The following SGCD variants were observed in gnomAD, a reference collection of about 807,000 sequenced individuals.
The protein encoded by SGCD is sarcoglycan delta.
A neutral mutation model predicts 36.6 loss-of-function variants in SGCD; 18 were observed. That is an observed-to-expected ratio of 0.49 (90% CI 0.34 to 0.73). SGCD has a LOEUF of 0.73. Ranked by LOEUF, SGCD falls within the 30% of genes least tolerant of loss-of-function variation. The pLI, the probability that SGCD is intolerant of heterozygous loss-of-function variation, is 0.01. For synonymous variants in SGCD, 133 were observed against 130.6 expected (o/e 1.02, Z -0.12); for missense variants, 387 against 346.7 (o/e 1.12, Z -0.92).
chr5:155,857,912 A>C, the SGCD span, among the ~76,000 whole-genome samples: 1 of 152,174 alleles, frequency 6.6e-6, no homozygotes, highest in East Asian at 1.9e-4. Context: ...CTGAGTTTAA[A>C]TCTACCATCT....
At chr5:156,203,631 G>A (rs978510817) in intron 3 of SGCD, among the ~76,000 whole-genome samples, 9 of 152,098 alleles carry the variant, frequency 5.9e-5, no homozygotes, top group East Asian at 1.9e-4. Context: ...ATCTGTATTC[G>A]TGTCTGATTT....
At chr5:156,489,894 A>G (rs1755860130) in intron 3 of SGCD, among the ~76,000 whole-genome samples, 1 of 152,034 alleles carries the variant, frequency 6.6e-6, no homozygotes, top group East Asian at 1.9e-4. Flanking sequence ...AATAAAATAG[A>G]AACTAAGAAA....
intron 1 of SGCD, among the ~76,000 whole-genome samples, chr5:155,938,628 C>G (rs1245603845): frequency 6.6e-6 from 1 of 152,126 alleles, no homozygotes; most frequent in East Asian, 1.9e-4. Flanking sequence ...TTCCCATAAG[C>G]TAGTAGCTGT....
the SGCD span, among the ~76,000 whole-genome samples, chr5:155,856,200 C>T: frequency 4.6e-5 from 7 of 152,096 alleles, no homozygotes; most frequent in South Asian, 4.1e-4. Flanking sequence ...TGTATATACA[C>T]GCACTATACA....
chr5:156,607,784 G>T (rs993539022), intron 6 of SGCD, among the ~76,000 whole-genome samples: 1 of 152,150 alleles, frequency 6.6e-6, no homozygotes, highest in Non-Finnish European at 1.5e-5. Flanking sequence ...GAGGGTGTAT[G>T]TGTCCAGGAA....
At chr5:156,224,648 T>G (rs1217291192) in intron 3 of SGCD, among the ~76,000 whole-genome samples, 1 of 152,138 alleles carries the variant, frequency 6.6e-6, no homozygotes, top group African/African-American at 2.4e-5. Flanking sequence ...GGAGGAAAGG[T>G]TGTTATCAAG....
chr5:156,461,268 G>A (rs1208021458), intron 3 of SGCD, among the ~76,000 whole-genome samples: 1 of 152,066 alleles, frequency 6.6e-6, no homozygotes, highest in Non-Finnish European at 1.5e-5. Context: ...TTTTTTAATA[G>A]TTTATAAAAG....
chr5:156,248,160 G>A (rs969120954), intron 3 of SGCD, among the ~76,000 whole-genome samples: 5 of 152,178 alleles, frequency 3.3e-5, no homozygotes, highest in Non-Finnish European at 7.4e-5. Flanking sequence ...GGAATGGAAT[G>A]GAGAGGAATG....
At chr5:156,301,410 TC>T (rs1323893494) in intron 3 of SGCD, among the ~76,000 whole-genome samples, 1 of 152,076 alleles carries the variant, frequency 6.6e-6, no homozygotes, top group Non-Finnish European at 1.5e-5. Flanking sequence ...ACTTTACTAC[TC>T]CCCTGCTTTA....
At chr5:156,379,981 G>A (rs1770888553) in intron 3 of SGCD, among the ~76,000 whole-genome samples, 2 of 152,116 alleles carry the variant, frequency 1.3e-5, no homozygotes, top group African/African-American at 4.8e-5. Context: ...CTGTTGTTTA[G>A]CATTATTTTC....
chr5:155,791,901 A>T, the SGCD span, among the ~76,000 whole-genome samples: 1 of 152,214 alleles, frequency 6.6e-6, no homozygotes, highest in East Asian at 1.9e-4. Context: ...AGAATTAGAA[A>T]AAACTATTCT....
chr5:156,622,701 AG>A, intron 6 of SGCD, among the ~76,000 whole-genome samples: 1 of 152,200 alleles, frequency 6.6e-6, no homozygotes, highest in Admixed American at 6.5e-5. Context: ...GACTGGACAA[AG>A]GGGGGTGTGA....
At chr5:156,423,155 T>A (rs1355708217) in intron 3 of SGCD, among the ~76,000 whole-genome samples, 2 of 79,494 alleles carry the variant, frequency 2.5e-5, no homozygotes, top group Admixed American at 2.7e-4. Flanking sequence ...TAATTAATTA[T>A]TTAAATATTA....
chr5:156,083,057 G>A (rs1292359766), intron 1 of SGCD, among the ~76,000 whole-genome samples: 1 of 151,848 alleles, frequency 6.6e-6, no homozygotes, highest in Admixed American at 6.6e-5. Context: ...TCTGCTATCT[G>A]TATATCTTCT....
intron 7 of SGCD, among the ~76,000 whole-genome samples, chr5:156,657,671 G>A (rs1386455806): frequency 1.3e-5 from 2 of 152,132 alleles, no homozygotes; most frequent in Non-Finnish European, 2.9e-5. Context: ...GCTGAGGCAG[G>A]AGAATCACTT....
chr5:156,320,164 G>A (rs1767621239), intron 3 of SGCD, among the ~76,000 whole-genome samples: 1 of 151,452 alleles, frequency 6.6e-6, no homozygotes, highest in South Asian at 2.1e-4. Context: ...GTTGGATTTT[G>A]AGGCTTGGTC....
At position 155,889,018 on chromosome 5, in the gene SGCD, C is replaced by T. The variant is rs144513020; in HGVS notation, c.-282+18594C>T. ...CGAAGTGACTTTTTCCTTCTCTCTA[C>T]GCTCATAACACTGTATTTATATATT... On this transcript the variant is annotated intron_variant, in intron 1 of 9. Transcript: ENST00000517913. Among the ~76,000 whole-genome samples, 390 of 152,288 alleles carry T rather than the reference C, an allele frequency of 2.6e-3. 1 individual carries two copies. The highest frequency in any genetic ancestry group is 7.2e-3 in the African/African-American group (301 of 41,552).
At chr5:155,850,264 G>A in the SGCD span, among the ~76,000 whole-genome samples, 4 of 152,140 alleles carry the variant, frequency 2.6e-5, no homozygotes, top group Admixed American at 6.6e-5. Flanking sequence ...TAGGCAGACA[G>A]CTCTTTTATC....
At chr5:156,416,166 C>T (rs905865217) in intron 3 of SGCD, among the ~76,000 whole-genome samples, 2 of 152,122 alleles carry the variant, frequency 1.3e-5, no homozygotes, top group Non-Finnish European at 2.9e-5. Context: ...TATATATGTT[C>T]TATGGAATAC....
Sources: gnomAD v4.1 joint callset for allele counts (sites outside exome capture counted in the v4.1 genomes callset) on GRCh38, gnomAD v4.1.1 for gene constraint, MANE v1.5 for transcripts, NCBI Gene and HGNC (gene_info 2026-07-23, HGNC 2026-07-21) for gene names.